The following FNDC3B variants were observed in gnomAD, a reference collection of about 807,000 sequenced individuals.
The protein encoded by FNDC3B is fibronectin type III domain-containing protein 3B.
A neutral mutation model predicts 151.5 loss-of-function variants in FNDC3B; 12 were observed. The ratio of observed to expected loss-of-function variants is 0.08; its 90% CI spans 0.05 to 0.13. The LOEUF (loss-of-function observed/expected upper bound fraction) is 0.13. Ranked by LOEUF, FNDC3B falls within the 10% of genes least tolerant of loss-of-function variation. The probability of loss-of-function intolerance (pLI) is 1.00; values close to 1 mark genes in which losing one functional copy is unlikely to be tolerated. For synonymous variants in FNDC3B, 528 were observed against 549.0 expected, an observed-to-expected ratio of 0.96 and a Z score of 0.54; for missense variants, 1,214 against 1,505.3, an observed-to-expected ratio of 0.81 and a Z score of 3.20.
chr3:172,326,791 A>G (rs1322741925), intron 11 of FNDC3B, among the ~76,000 whole-genome samples: 1 of 151,442 alleles, frequency 6.6e-6, no homozygotes, highest in African/African-American at 2.4e-5. Context: ...AAGCAAATTA[A>G]CCTAGTAAGA....
intron 1 of FNDC3B, among the ~76,000 whole-genome samples, chr3:172,090,088 T>C (rs1718737887): frequency 6.6e-6 from 1 of 152,238 alleles, no homozygotes; most frequent in African/African-American, 2.4e-5. Context: ...TTTCCAGATA[T>C]TAATATTATC....
At chr3:172,298,880 C>A in intron 9 of FNDC3B, 93 bp downstream of exon 9, 1 of 828,760 alleles carries the variant, frequency 1.2e-6, no homozygotes, top group Non-Finnish European at 1.9e-6. Flanking sequence ...GTGAATGTTG[C>A]TTACCTTGCT....
At chr3:172,281,154 A>T (rs959960189) in intron 6 of FNDC3B, among the ~76,000 whole-genome samples, 3 of 151,750 alleles carry the variant, frequency 2.0e-5, no homozygotes, top group Admixed American at 1.3e-4. Flanking sequence ...CTATATCTGC[A>T]AAACAAAATG....
At chr3:172,181,395 CA>C (rs755223783) in intron 3 of FNDC3B, among the ~76,000 whole-genome samples, 15 of 71,524 alleles carry the variant, frequency 2.1e-4, no homozygotes, top group Non-Finnish European at 2.4e-4. Flanking sequence ...ACTCTGTCTC[CA>C]AAAAAAAAAA....
intron 4 of FNDC3B, among the ~76,000 whole-genome samples, chr3:172,230,228 C>T (rs1011266257): frequency 6.6e-6 from 1 of 151,964 alleles, no homozygotes; most frequent in Admixed American, 6.5e-5. Flanking sequence ...GACCGTGGCT[C>T]ACGCCTGTAA....
At chr3:172,087,452 G>T (rs1045187652) in intron 1 of FNDC3B, among the ~76,000 whole-genome samples, 2 of 152,106 alleles carry the variant, frequency 1.3e-5, no homozygotes, top group African/African-American at 2.4e-5. Flanking sequence ...ATATGTGTGT[G>T]GGCGTTAAAA....
chr3:172,190,880 G>T (rs1235779840), intron 3 of FNDC3B, among the ~76,000 whole-genome samples: 1 of 152,136 alleles, frequency 6.6e-6, no homozygotes, highest in African/African-American at 2.4e-5. Flanking sequence ...TTTTGGTCAG[G>T]CTGGTCTCGA....
In FNDC3B at chr3:172,352,934, T is replaced by C. The variant is rs1027186400; in HGVS notation, c.2646T>C (p.Pro882=). 12 of 1,614,080 alleles carry C rather than the reference T, an allele frequency of 7.4e-6. No individual in the cohort carries two copies. The highest frequency in any genetic ancestry group is 9.3e-6 in the Non-Finnish European group (11 of 1,180,030). Residue 882 remains proline (P), a synonymous_variant, in exon 22 of 26, where the codon CCT becomes CCC. Transcript: ENST00000415807. This position sits in a 1 kb window ranked among gnomAD's most constrained non-coding sequence, Gnocchi z 4.2. ...EEPLDAYPDS[P]SACLVLNWEE... Reference sequence around the variant, plus strand: ...CCCTTGATGCCTACCCTGATTCACCTTCTGCGTGCCTTGTACTGAACTGGG... The same window carrying C: ...CCCTTGATGCCTACCCTGATTCACCCTCTGCGTGCCTTGTACTGAACTGGG...
intron 11 of FNDC3B, among the ~76,000 whole-genome samples, chr3:172,318,889 C>A (rs1387082301): frequency 6.6e-6 from 1 of 152,128 alleles, no homozygotes; most frequent in African/African-American, 2.4e-5. Context: ...GAATTGCTGC[C>A]CCACTATAGC....
intron 3 of FNDC3B, among the ~76,000 whole-genome samples, chr3:172,141,850 CA>C (rs763193990): frequency 2.6e-4 from 36 of 139,202 alleles, no homozygotes; most frequent in Non-Finnish European, 2.4e-4. Flanking sequence ...GACTGCGTCT[CA>C]AAAAAAAAAA....
intron 3 of FNDC3B, among the ~76,000 whole-genome samples, chr3:172,192,980 C>G (rs1724611774): frequency 6.6e-6 from 1 of 152,038 alleles, no homozygotes; most frequent in Non-Finnish European, 1.5e-5. Context: ...AATGCAGTTA[C>G]TTTGAAAATT....
intron 3 of FNDC3B, among the ~76,000 whole-genome samples, chr3:172,153,561 C>T (rs1016447125): frequency 7.9e-5 from 12 of 152,174 alleles, no homozygotes; most frequent in Admixed American, 6.5e-4. Flanking sequence ...GAATCACCAG[C>T]GGGATACGGA....
chr3:172,111,901 G>A (rs1233532036), intron 1 of FNDC3B, among the ~76,000 whole-genome samples: 1 of 152,096 alleles, frequency 6.6e-6, no homozygotes, highest in Non-Finnish European at 1.5e-5. Flanking sequence ...TTGTGTGAGA[G>A]CGTGTGTGTG....
intron 7 of FNDC3B, 141 bp downstream of exon 7, chr3:172,286,125 C>G: frequency 3.2e-6 from 2 of 634,908 alleles, no homozygotes; most frequent in Non-Finnish European, 5.5e-6. Context: ...AAATAGTGTT[C>G]GGTTCAGTTA....
chr3:172,087,489 T>C (rs1378783023), intron 1 of FNDC3B, among the ~76,000 whole-genome samples: 1 of 152,192 alleles, frequency 6.6e-6, no homozygotes, highest in Admixed American at 6.5e-5. Context: ...TAGATTTCCT[T>C]TGTAAACTTA....
At chr3:172,165,240 C>T (rs1576924389) in intron 3 of FNDC3B, among the ~76,000 whole-genome samples, 1 of 152,162 alleles carries the variant, frequency 6.6e-6, no homozygotes, top group African/African-American at 2.4e-5. Flanking sequence ...AAACTTCTGA[C>T]CTCAAGCAAT....
At chr3:172,372,691 C>G (rs1734939199) in intron 23 of FNDC3B, among the ~76,000 whole-genome samples, 1 of 152,034 alleles carries the variant, frequency 6.6e-6, no homozygotes, top group Admixed American at 6.6e-5. Flanking sequence ...GGGGAGAGGC[C>G]TATATAGCAG....
chr3:172,231,669 C>T (rs749583822), intron 4 of FNDC3B, among the ~76,000 whole-genome samples: 16 of 152,056 alleles, frequency 1.1e-4, no homozygotes, highest in Non-Finnish European at 1.8e-4. Flanking sequence ...ATGCTGACGC[C>T]CCGGTTGGAA....
At chr3:172,304,233 C>G (rs564870801) in intron 9 of FNDC3B, among the ~76,000 whole-genome samples, 1 of 152,340 alleles carries the variant, frequency 6.6e-6, no homozygotes, top group African/African-American at 2.4e-5. Context: ...ACCAAATTTA[C>G]CTTTCCCCAG....
Sources: allele counts gnomAD v4.1 joint callset (sites outside exome capture counted in the v4.1 genomes callset), GRCh38; gene constraint gnomAD v4.1.1; non-coding constraint Gnocchi (gnomAD v3.1); transcripts MANE v1.5; gene names NCBI Gene and HGNC (gene_info 2026-07-23, HGNC 2026-07-21).